Variants in LINGO2 observed in about 807,000 individuals in gnomAD.
The protein encoded by LINGO2 is leucine rich repeat and Ig domain containing 2.
LINGO2 carries 14 observed loss-of-function variants against 30.6 expected under a neutral mutation model. That is an observed-to-expected ratio of 0.46 (90% CI 0.30 to 0.72). LINGO2 has a LOEUF of 0.72. LINGO2 is among the 30% of genes least tolerant of loss of function. LINGO2 has a pLI of 0.07. For missense variants in LINGO2, 729 were observed against 751.7 expected (o/e 0.97, Z 0.35); for synonymous variants, 317 against 288.5 (o/e 1.10, Z -1.00).
chr9:28,538,270 TA>T (rs1821518956), intron 1 of LINGO2, among the ~76,000 whole-genome samples: 1 of 151,944 alleles, frequency 6.6e-6, no homozygotes, highest in African/African-American at 2.4e-5. Flanking sequence ...AATAAATTAG[TA>T]AATGTATTGT....
the LINGO2 span, among the ~76,000 whole-genome samples, chr9:29,011,314 C>G: frequency 6.6e-6 from 1 of 152,276 alleles, no homozygotes; most frequent in East Asian, 1.9e-4. Flanking sequence ...CTTCAGTAGT[C>G]TCAGTCCTGT....
chr9:28,771,487 G>C, the LINGO2 span, among the ~76,000 whole-genome samples: 11 of 138,578 alleles, frequency 7.9e-5, no homozygotes, highest in South Asian at 7.7e-4. Context: ...GTGTGTGTGT[G>C]TGTGTGTGTG....
At chr9:28,059,117 C>T (rs770489231) in intron 4 of LINGO2, among the ~76,000 whole-genome samples, 3 of 152,058 alleles carry the variant, frequency 2.0e-5, no homozygotes, top group Non-Finnish European at 4.4e-5. Context: ...TGCATAATGT[C>T]CTCTGGAATG....
At chr9:28,194,861 A>C in intron 4 of LINGO2, among the ~76,000 whole-genome samples, 1 of 152,016 alleles carries the variant, frequency 6.6e-6, no homozygotes, top group East Asian at 1.9e-4. Flanking sequence ...GCAATGTACA[A>C]AGATCTAACA....
chr9:28,392,764 G>T lies in LINGO2; in HGVS notation c.-278-19896C>A, dbSNP rs559808478. On this transcript the variant is annotated intron_variant, in intron 2 of 5. Transcript: ENST00000379992. ...AATCACCTTATTACAATAAACTCAG[G>T]TGTACTCTTAAGGGGGCTTGTTATG... Among the ~76,000 whole-genome samples, 3 of 152,274 alleles carry T rather than the reference G, an allele frequency of 2.0e-5. No homozygotes were observed. In the South Asian group the frequency reaches 6.2e-4, roughly 32 times the overall value.
At chr9:28,741,229 A>G in the LINGO2 span, among the ~76,000 whole-genome samples, 1 of 151,844 alleles carries the variant, frequency 6.6e-6, no homozygotes. Context: ...CTAGCATTGG[A>G]TAGGACTGTA....
At chr9:28,725,916 G>A in the LINGO2 span, among the ~76,000 whole-genome samples, 11 of 151,984 alleles carry the variant, frequency 7.2e-5, no homozygotes, top group African/African-American at 2.7e-4. Context: ...GCACTGAAAG[G>A]GTTAAAGAGT....
chr9:28,568,406 C>T (rs918347886), intron 1 of LINGO2, among the ~76,000 whole-genome samples: 20 of 151,916 alleles, frequency 1.3e-4, no homozygotes, highest in African/African-American at 4.8e-4. Flanking sequence ...ACAATCTAAC[C>T]TGTACAACAA....
chr9:29,071,130 C>T, the LINGO2 span, among the ~76,000 whole-genome samples: 1 of 148,662 alleles, frequency 6.7e-6, no homozygotes. Flanking sequence ...ATGATATGCA[C>T]ATCTACAATT....
At chr9:28,444,271 A>T (rs564427267) in intron 2 of LINGO2, among the ~76,000 whole-genome samples, 129 of 152,294 alleles carry the variant, frequency 8.5e-4, no homozygotes, top group South Asian at 2.5e-3. Context: ...GTGGGAGTGA[A>T]GAGTGGTGAC....
chr9:28,245,286 G>A (rs1317959001), intron 4 of LINGO2, among the ~76,000 whole-genome samples: 2 of 152,024 alleles, frequency 1.3e-5, no homozygotes, highest in South Asian at 2.1e-4. Context: ...CAATAAACTA[G>A]GTATTGATGG....
the LINGO2 span, among the ~76,000 whole-genome samples, chr9:28,880,633 A>G: frequency 1.3e-5 from 2 of 152,120 alleles, no homozygotes; most frequent in African/African-American, 4.8e-5. Flanking sequence ...ACCCAGCCCA[A>G]CACCCGTAAA....
chr9:28,317,911 G>A (rs535790797), intron 3 of LINGO2, among the ~76,000 whole-genome samples: 1 of 152,088 alleles, frequency 6.6e-6, no homozygotes, highest in Non-Finnish European at 1.5e-5. Flanking sequence ...CCTTTGTTGG[G>A]ACTAAGCATA....
the LINGO2 span, among the ~76,000 whole-genome samples, chr9:29,091,226 C>T: frequency 6.6e-6 from 1 of 151,970 alleles, no homozygotes; most frequent in Non-Finnish European, 1.5e-5. Context: ...CAAACGAATG[C>T]TCTCTTTTGA....
At chr9:28,389,442 C>T (rs1218157415) in intron 2 of LINGO2, among the ~76,000 whole-genome samples, 4 of 152,162 alleles carry the variant, frequency 2.6e-5, no homozygotes, top group Admixed American at 6.5e-5. Context: ...TTCTTCAACT[C>T]TCCTGACCTG....
intron 4 of LINGO2, among the ~76,000 whole-genome samples, chr9:28,128,343 T>G (rs1407607058): frequency 6.6e-6 from 1 of 152,154 alleles, no homozygotes; most frequent in East Asian, 1.9e-4. Flanking sequence ...TAGCCCTAAT[T>G]GTCATTATGA....
the LINGO2 span, among the ~76,000 whole-genome samples, chr9:28,982,306 T>C: frequency 6.6e-6 from 1 of 152,116 alleles, no homozygotes. Flanking sequence ...TTAAGTCTTT[T>C]ACTAATAATT....
At chr9:28,172,307 C>T (rs1828624595) in intron 4 of LINGO2, among the ~76,000 whole-genome samples, 1 of 146,982 alleles carries the variant, frequency 6.8e-6, no homozygotes, top group Non-Finnish European at 1.5e-5. Flanking sequence ...AGGAGAATGG[C>T]GTGAACCCGG....
the LINGO2 span, among the ~76,000 whole-genome samples, chr9:29,147,917 T>A: frequency 1.3e-5 from 2 of 152,070 alleles, no homozygotes; most frequent in Admixed American, 6.5e-5. Context: ...AATTCTTTAG[T>A]GATTCATTGG....
Sources: gnomAD v4.1 joint callset for allele counts (sites outside exome capture counted in the v4.1 genomes callset) on GRCh38, gnomAD v4.1.1 for gene constraint, MANE v1.5 for transcripts, NCBI Gene and HGNC (gene_info 2026-07-23, HGNC 2026-07-21) for gene names.